Variants in SH3TC2 observed in about 807,000 individuals in gnomAD.
SH3TC2 encodes SH3 domain and tetratricopeptide repeat-containing protein 2.
In SH3TC2, 87 loss-of-function variants were observed where a neutral mutation model predicts 124.5. That is an observed-to-expected ratio of 0.70 (90% CI 0.59 to 0.84). SH3TC2 has a LOEUF of 0.84. Among genes scored for constraint, SH3TC2 ranks in the 40% least tolerant of loss-of-function variants. The pLI is 0.00. For missense variants in SH3TC2, 1,536 were observed against 1,566.4 expected (o/e 0.98, Z 0.33); for synonymous variants, 634 against 628.5 (o/e 1.01, Z -0.13).
rs1753530089 is a variant in SH3TC2 at position 148,997,430 on chromosome 5, T to C, written c.*7281A>G. Among the ~76,000 whole-genome samples, 1 of 152,222 alleles carries C rather than the reference T, an allele frequency of 6.6e-6. No homozygotes were observed. Among genetic ancestry groups the C allele is most frequent in the Non-Finnish European group, 1.5e-5 (1 of 68,048 alleles). ...TCCATTTGGGAAATGCAGTCTCTCT[T>C]TTTTTCTAGGCTAAGTTACCTGACT... On this transcript the variant is annotated 3_prime_UTR_variant, in exon 17 of 17. Transcript: ENST00000515425.
In SH3TC2 at chr5:149,028,153, G is replaced by T. The variant is rs751769404; in HGVS notation, c.1579C>A (p.His527Asn). The change falls in exon 11 of 17, where the codon CAT becomes AAT. Residue 527 changes from histidine (H) to asparagine (N), a missense_variant. Coordinates refer to ENST00000515425, the MANE Select transcript of SH3TC2 (RefSeq NM_024577.4). ...CCCAGGAGGAAGCAGAGACGGGCAT[G>T]GGCCCAGGTCATGTGGCTCTTCTTG... ...WAKKSHMTWAHARLCFLLGRL... is the reference protein window; with the variant it reads ...WAKKSHMTWANARLCFLLGRL... 1.9e-6 allele frequency: 3 copies of T among 1,614,112 alleles called. No homozygotes were observed. The highest frequency in any genetic ancestry group is 2.7e-5 in the African/African-American group (2 of 75,064).
rs547464453 is a variant in SH3TC2, at chr5:148,993,412, G to A, written c.*11299C>T. Among the ~76,000 whole-genome samples, 1 of 152,124 alleles carries A rather than the reference G, an allele frequency of 6.6e-6. No individual in the cohort carries two copies. On this transcript the variant is annotated 3_prime_UTR_variant, in exon 17 of 17. Coordinates refer to ENST00000515425, the MANE Select transcript of SH3TC2 (RefSeq NM_024577.4). ...TCCATAAAATGATTTTGATAAAATA[G>A]AAGATGGAAAAAGGTAGAAATTGTT...
rs1753610739 is a variant in SH3TC2, at chr5:149,002,296, G to A, written c.*2415C>T. 2 of 152,696 alleles carry A rather than the reference G, an allele frequency of 1.3e-5. No individual in the cohort carries two copies. The highest frequency in any genetic ancestry group is 6.5e-5 in the Admixed American group (1 of 15,286). 9.5% of individuals were successfully genotyped at this position (152,696 alleles called of 1,614,324 possible). ...GTGCCCCTGACTGTCTCCCAGGAAT[G>A]TTGTTGAAAGGACTATGCACGGGAG... On this transcript the variant is annotated 3_prime_UTR_variant, in exon 17 of 17. Transcript: ENST00000515425.
chr5:148,999,587 G>A lies in SH3TC2; in HGVS notation c.*5124C>T, dbSNP rs947360603. On this transcript the variant is annotated 3_prime_UTR_variant, in exon 17 of 17. Transcript: ENST00000515425. ...TGAAAAACAAGGAAAGGCAGAAACC[G>A]TCATAGACCAGAGATGCATAGGGAA... Among the ~76,000 whole-genome samples the A allele has an allele frequency of 2.0e-5, 3 of 152,168 alleles. No homozygotes were observed. Among genetic ancestry groups the A allele is most frequent in the Non-Finnish European group, 2.9e-5 (2 of 68,034 alleles).
At chr5:149,036,691 G>C (rs1417466668) in intron 8 of SH3TC2, among the ~76,000 whole-genome samples, 1 of 152,138 alleles carries the variant, frequency 6.6e-6, no homozygotes, top group Non-Finnish European at 1.5e-5. Flanking sequence ...GTAACATGAA[G>C]GGGTGGTTCA....
rs1322040954 is a variant in SH3TC2 at position 149,003,746 on chromosome 5, G to A, written c.*965C>T. 7 of 444,982 alleles carry A rather than the reference G, an allele frequency of 1.6e-5. No homozygotes were observed. The highest frequency in any genetic ancestry group is 1.1e-4 in the South Asian group (7 of 62,784). 27.6% of individuals were successfully genotyped at this position (444,982 alleles called of 1,614,324 possible). A position where few individuals can be genotyped will look rare whatever the true frequency, so the allele number is the denominator to read the frequency against. On this transcript the variant is annotated 3_prime_UTR_variant, in exon 17 of 17. Coordinates refer to ENST00000515425, the MANE Select transcript of SH3TC2 (RefSeq NM_024577.4). ...CATGCCTGTAGTTCCAGCTACTCAG[G>A]AGGTTGACACTGGAGGATCACTTGA...
In SH3TC2 at chr5:149,038,206, C is replaced by T. The variant is rs1006395311; in HGVS notation, c.1001+89G>A. 7.5e-6 allele frequency: 10 copies of T among 1,331,710 alleles called. No homozygotes were observed. In the Admixed American group the frequency reaches 8.8e-5, roughly 12 times the overall value. The allele number at this position is 1,331,710 out of a possible 1,614,324, so 82.5% of individuals were successfully genotyped here. On this transcript the variant is annotated intron_variant, in intron 8 of 16. Coordinates refer to ENST00000515425, the MANE Select transcript of SH3TC2 (RefSeq NM_024577.4). ...TGGCTCCATGTCACCAGGGCACCCT[C>T]GAAGCTCAACTGCAAATCTGCTCAA...
rs1753604139 is a variant in SH3TC2 at position 149,001,884 on chromosome 5, T to A, written c.*2827A>T. On this transcript the variant is annotated 3_prime_UTR_variant, in exon 17 of 17. Transcript: ENST00000515425. The stretch of plus-strand genomic sequence containing the variant: ...GTATGTGTGTGTATGTGTATGCATA[T>A]GCAAATGCATGTGCATATTTGCAGC... The A allele has an allele frequency of 6.6e-6, 1 of 152,272 alleles. No individual in the cohort carries two copies. Among genetic ancestry groups the A allele is most frequent in the Non-Finnish European group, 1.5e-5 (1 of 68,056 alleles). 9.4% of individuals were successfully genotyped at this position (152,272 alleles called of 1,614,324 possible). A position where few individuals can be genotyped will look rare whatever the true frequency, so the allele number is the denominator to read the frequency against.
chr5:149,013,013 G>T (rs1481609379), intron 12 of SH3TC2, among the ~76,000 whole-genome samples: 4 of 152,140 alleles, frequency 2.6e-5, no homozygotes, highest in Non-Finnish European at 5.9e-5. Context: ...ACAACTAAGT[G>T]CTTAGAACAG....
In SH3TC2 at chr5:149,003,177, C is replaced by T. The variant is rs569625068; in HGVS notation, c.*1534G>A. 6 of 152,366 alleles carry T rather than the reference C, an allele frequency of 3.9e-5. No individual in the cohort carries two copies. The East Asian group carries it at 9.6e-4, about 24-fold the overall frequency. The allele number at this position is 152,366 out of a possible 1,614,324, so 9.4% of individuals were successfully genotyped here. A position where few individuals can be genotyped will look rare whatever the true frequency, so the allele number is the denominator to read the frequency against. On this transcript the variant is annotated 3_prime_UTR_variant, in exon 17 of 17. Transcript: ENST00000515425. ...ATGATCCCCAATGATTCCTCACCATCTGGTATTCAAGCTGTTGGTAAACAC... is the reference window on the plus strand; with the variant it reads ...ATGATCCCCAATGATTCCTCACCATTTGGTATTCAAGCTGTTGGTAAACAC...
rs1178291243 is a variant in SH3TC2, at chr5:149,006,938, G to C, written c.3618C>G (p.Ala1206=). 1.2e-6 allele frequency: 2 copies of C among 1,614,086 alleles called. No individual in the cohort carries two copies. The highest frequency in any genetic ancestry group is 1.7e-5 in the Admixed American group (1 of 60,014). ...GATAATACACCTTGGCATAGTACAG[G>C]GCCTCCTTGGGACTCTGCAGCCATG... The part of the protein sequence containing the change: ...CPPWLQSPKE[A]LYYAKVYYRL... Residue 1206 remains alanine, a synonymous_variant, in exon 16 of 17, where the codon GCC becomes GCG. Transcript: ENST00000515425.
In SH3TC2 at chr5:149,027,664, C is replaced by T; in HGVS notation, c.2068G>A (p.Val690Met). 6.2e-7 allele frequency: 1 copy of T among 1,614,248 alleles called. No homozygotes were observed. Among genetic ancestry groups the T allele is most frequent in the Non-Finnish European group, 8.5e-7 (1 of 1,180,040 alleles). ...ATACCATGTTGCTGGACAGAGGCCA[C>T]TGCAAGGTGTGGAAGATATTTCTTG... ...YDKKYLPHLAVASVQQHGIQS... is the reference protein window; with the variant it reads ...YDKKYLPHLAMASVQQHGIQS... Residue 690 changes from valine (V) to methionine (M), a missense_variant, in exon 11 of 17, where the codon GTG becomes ATG. This residue lies in a region of SH3TC2 where 1,102 missense variants were observed against 1,098.6 expected (regional missense o/e 1.00). Transcript: ENST00000515425.
At chr5:149,026,541 G>A in intron 12 of SH3TC2, 31 bp downstream of exon 12, 1 of 1,612,158 alleles carries the variant, frequency 6.2e-7, no homozygotes, top group Non-Finnish European at 8.5e-7. Context: ...AAGGAAAGCT[G>A]CTTCTAGGAC....
In SH3TC2 at chr5:148,997,460, T is replaced by C. The variant is rs73795731; in HGVS notation, c.*7251A>G. The stretch of plus-strand genomic sequence containing the variant: ...TCTAGGCTAAGTTACCTGACTGTGG[T>C]CAACAATAACACCAGTATTTCTTTT... On this transcript the variant is annotated 3_prime_UTR_variant, in exon 17 of 17. Coordinates refer to ENST00000515425, the MANE Select transcript of SH3TC2 (RefSeq NM_024577.4). Among the ~76,000 whole-genome samples, 691 of 152,352 alleles carry C rather than the reference T, an allele frequency of 4.5e-3. 5 individuals carry two copies. Among genetic ancestry groups the C allele is most frequent in the African/African-American group, 0.016 (666 of 41,580 alleles).
chr5:149,026,223 C>A, intron 12 of SH3TC2: 1 of 292,180 alleles, frequency 3.4e-6, no homozygotes, highest in African/African-American at 2.2e-5. Context: ...GTTATAGAAA[C>A]ACACAAGTAA....
intron 1 of SH3TC2, among the ~76,000 whole-genome samples, chr5:149,055,822 C>T (rs1754636857): frequency 6.6e-6 from 1 of 152,150 alleles, no homozygotes; most frequent in South Asian, 2.1e-4. Flanking sequence ...TGGCACATGC[C>T]TGCAATCTCA....
chr5:149,028,679 C>T lies in SH3TC2; in HGVS notation c.1175G>A (p.Ser392Asn). 1 of 1,614,224 alleles carries T rather than the reference C, an allele frequency of 6.2e-7. No homozygotes were observed. The change falls in exon 10 of 17, where the codon AGT becomes AAT. Residue 392 changes from serine (S) to asparagine (N), a missense_variant and splice_region_variant. This residue lies in a region of SH3TC2 where 1,102 missense variants were observed against 1,098.6 expected (regional missense o/e 1.00). Transcript: ENST00000515425. ...GGTTCAGCATGATCGCTACTCACCA[C>T]TCAGATCATTTGGAGGATTCTGGAT... The part of the protein sequence containing the change: ...ESIQNPPNDL[S>N]ASQPEGFKEV...
Position 149,027,448 on chromosome 5 carries a change from T to A in SH3TC2, c.2284A>T (p.Ile762Phe), listed in dbSNP as rs1288808180. 1 of 1,614,016 alleles carries A rather than the reference T, an allele frequency of 6.2e-7. No individual in the cohort carries two copies. Among genetic ancestry groups the A allele is most frequent in the Non-Finnish European group, 8.5e-7 (1 of 1,180,022 alleles). The change falls in exon 11 of 17, where the codon ATC becomes TTC. Residue 762 changes from isoleucine to phenylalanine, a missense_variant. Ile to Phe is a conservative substitution (Grantham distance 21). This residue lies in a region of SH3TC2 where 1,102 missense variants were observed against 1,098.6 expected (regional missense o/e 1.00). Coordinates refer to ENST00000515425, the MANE Select transcript of SH3TC2 (RefSeq NM_024577.4). ...TGCTCGAGGTACACTTTGGAAAGGA[T>A]GAGACACAGGGCCCTCTGGGTGCTC... The part of the protein sequence containing the change: ...DRSTQRALCL[I>F]LSKVYLEHRS...
Position 148,997,875 on chromosome 5 carries a change from A to G in SH3TC2, c.*6836T>C, listed in dbSNP as rs757138006. On this transcript the variant is annotated 3_prime_UTR_variant, in exon 17 of 17. Transcript: ENST00000515425. Reference sequence around the variant, plus strand: ...ATGAGAGTCATCACAAAGGTTTTGCATGAGACTTAATGCATAAAACACATT... The same window carrying G: ...ATGAGAGTCATCACAAAGGTTTTGCGTGAGACTTAATGCATAAAACACATT... Among the ~76,000 whole-genome samples, 3 of 152,242 alleles carry G rather than the reference A, an allele frequency of 2.0e-5. No individual in the cohort carries two copies. The highest frequency in any genetic ancestry group is 2.9e-5 in the Non-Finnish European group (2 of 68,040).
Sources: allele counts gnomAD v4.1 joint callset (sites outside exome capture counted in the v4.1 genomes callset), GRCh38; gene constraint gnomAD v4.1.1; regional missense constraint gnomAD v4.1.1; transcripts MANE v1.5; gene names NCBI Gene and HGNC (gene_info 2026-07-23, HGNC 2026-07-21).